Variants in UVRAG observed in about 807,000 individuals in gnomAD.
The protein encoded by UVRAG is UV radiation resistance associated.
A neutral mutation model predicts 78.0 loss-of-function variants in UVRAG; 19 were observed. The ratio of observed to expected loss-of-function variants is 0.24; its 90% CI spans 0.17 to 0.36. The LOEUF (loss-of-function observed/expected upper bound fraction) is 0.36, where lower values mean the gene tolerates loss of function less well. Ranked by LOEUF, UVRAG falls within the 10% of genes least tolerant of loss-of-function variation. UVRAG has a pLI of 1.00. For synonymous variants in UVRAG, 323 were observed against 324.6 expected (o/e 1.00, Z 0.05); for missense variants, 740 against 853.8 (o/e 0.87, Z 1.66).
At chr11:75,976,269 CA>C in intron 7 of UVRAG, among the ~76,000 whole-genome samples, 1 of 152,274 alleles carries the variant, frequency 6.6e-6, no homozygotes, top group Non-Finnish European at 1.5e-5. Context: ...TTCAGTTTGC[CA>C]GTGTTTTACT....
intron 6 of UVRAG, among the ~76,000 whole-genome samples, chr11:75,930,399 A>G (rs1389605403): frequency 6.6e-6 from 1 of 152,168 alleles, no homozygotes; most frequent in African/African-American, 2.4e-5. Context: ...TTCTTGAAAC[A>G]TTGGAGCTGA....
At chr11:75,885,314 T>A (rs899614969) in intron 4 of UVRAG, among the ~76,000 whole-genome samples, 2 of 152,114 alleles carry the variant, frequency 1.3e-5, no homozygotes, top group African/African-American at 4.8e-5. Context: ...ATTCTTGTGC[T>A]TAGTTTAAGT....
At chr11:76,015,217 A>G (rs1264812860) in intron 11 of UVRAG, among the ~76,000 whole-genome samples, 2 of 152,112 alleles carry the variant, frequency 1.3e-5, no homozygotes, top group Admixed American at 1.3e-4. Flanking sequence ...AAAAATTGTT[A>G]TATGCTGGGC....
Position 76,140,707 on chromosome 11 carries a change from C to G in UVRAG, c.1398-4C>G. ...GTAACTTCTTGTTTTTGTTTCTCTT[C>G]TAGTGACAGACATCACACCTCCAGT... On this transcript the variant is annotated splice_polypyrimidine_tract_variant and splice_region_variant and intron_variant, in intron 14 of 14. Transcript: ENST00000356136. The G allele has an allele frequency of 1.9e-6, 3 of 1,559,454 alleles. 1 individual carries two copies. The Middle Eastern group carries it at 5.2e-4, about 269-fold the overall frequency.
intron 12 of UVRAG, among the ~76,000 whole-genome samples, chr11:76,039,238 G>A (rs377664488): frequency 1.8e-4 from 27 of 152,276 alleles, no homozygotes; most frequent in African/African-American, 6.5e-4. Flanking sequence ...AATATATGTG[G>A]TACTTGGTAA....
At chr11:75,862,830 A>G (rs1257824050) in intron 3 of UVRAG, among the ~76,000 whole-genome samples, 3 of 152,344 alleles carry the variant, frequency 2.0e-5, no homozygotes, top group Admixed American at 6.5e-5. Flanking sequence ...CATAAGTTCC[A>G]TGAAAGCACG....
intron 8 of UVRAG, among the ~76,000 whole-genome samples, chr11:75,985,456 C>CT (rs1949481075): frequency 6.6e-6 from 1 of 151,716 alleles, no homozygotes; most frequent in African/African-American, 2.4e-5. Context: ...GATATGGGTT[C>CT]TTTTTTTGGC....
At chr11:75,909,567 T>C (rs73491799) in intron 5 of UVRAG, among the ~76,000 whole-genome samples, 5,680 of 152,288 alleles carry the variant, frequency 0.037, 344 homozygotes, top group African/African-American at 0.13. Context: ...GTTTTAATGC[T>C]GTAAAAAGCT....
Position 75,845,711 on chromosome 11 carries a change from G to A in UVRAG, c.118-6172G>A, listed in dbSNP as rs372711588. Reference sequence around the variant, plus strand: ...TACTGGGGCCTATTTGAGGGGTGGAGCATGGGAAGAGGGTGAGGATTTAAA... The same window carrying A: ...TACTGGGGCCTATTTGAGGGGTGGAACATGGGAAGAGGGTGAGGATTTAAA... On this transcript the variant is annotated intron_variant, in intron 1 of 14. Transcript: ENST00000356136. Among the ~76,000 whole-genome samples, 19 of 152,290 alleles carry A rather than the reference G, an allele frequency of 1.2e-4. No individual in the cohort carries two copies. In the South Asian group the frequency reaches 2.1e-3, roughly 17 times the overall value.
At chr11:76,089,335 G>C (rs987825377) in intron 13 of UVRAG, among the ~76,000 whole-genome samples, 2 of 152,266 alleles carry the variant, frequency 1.3e-5, no homozygotes, top group African/African-American at 4.8e-5. Context: ...TATTTTCAAA[G>C]TGTTATAGTG....
At chr11:76,123,278 G>C (rs1429414843) in intron 14 of UVRAG, among the ~76,000 whole-genome samples, 1 of 152,134 alleles carries the variant, frequency 6.6e-6, no homozygotes, top group Non-Finnish European at 1.5e-5. Flanking sequence ...AAACATTCCT[G>C]GTTGTTTATT....
intron 8 of UVRAG, among the ~76,000 whole-genome samples, chr11:75,994,315 A>T (rs893166123): frequency 6.6e-6 from 1 of 152,200 alleles, no homozygotes; most frequent in Non-Finnish European, 1.5e-5. Flanking sequence ...TCCTTAAAGC[A>T]TCTCTGAAAG....
chr11:76,058,611 T>C (rs970135876), intron 12 of UVRAG, among the ~76,000 whole-genome samples: 6 of 151,834 alleles, frequency 4.0e-5, no homozygotes, highest in East Asian at 3.9e-4. Context: ...AAATGTGATA[T>C]AGCTGTCAAA....
intron 2 of UVRAG, among the ~76,000 whole-genome samples, chr11:75,855,125 A>G (rs1946259459): frequency 1.3e-5 from 2 of 152,216 alleles, no homozygotes; most frequent in African/African-American, 4.8e-5. Context: ...ATGTTAAAAA[A>G]CTTGTCTAGA....
intron 14 of UVRAG, among the ~76,000 whole-genome samples, chr11:76,138,414 G>A (rs570969497): frequency 1.3e-4 from 20 of 152,318 alleles, no homozygotes; most frequent in African/African-American, 3.9e-4. Flanking sequence ...GAAAATGGTC[G>A]TTCCCTTCAC....
At chr11:76,132,849 A>T (rs1952536278) in intron 14 of UVRAG, among the ~76,000 whole-genome samples, 1 of 152,212 alleles carries the variant, frequency 6.6e-6, no homozygotes, top group Non-Finnish European at 1.5e-5. Context: ...CCTCAAGTAG[A>T]AGTAGAGATC....
chr11:76,101,214 A>G (rs951783398), intron 13 of UVRAG, among the ~76,000 whole-genome samples: 35 of 152,214 alleles, frequency 2.3e-4, no homozygotes, highest in African/African-American at 7.7e-4. Flanking sequence ...ACTCCTGCCA[A>G]CAGTGTATAA....
intron 6 of UVRAG, 47 bp downstream of exon 6, chr11:75,912,086 T>A: frequency 7.3e-7 from 1 of 1,378,730 alleles, no homozygotes; most frequent in Non-Finnish European, 1.0e-6. Flanking sequence ...ATCTTTCTCA[T>A]TTTGAGTTTG....
intron 1 of UVRAG, among the ~76,000 whole-genome samples, chr11:75,851,174 C>T (rs913352699): frequency 6.6e-6 from 1 of 152,176 alleles, no homozygotes; most frequent in Non-Finnish European, 1.5e-5. Context: ...ATTTGGCTAT[C>T]CCTTAAGCTT....
Sources: allele counts gnomAD v4.1 joint callset (sites outside exome capture counted in the v4.1 genomes callset), GRCh38; gene constraint gnomAD v4.1.1; transcripts MANE v1.5; gene names NCBI Gene and HGNC (gene_info 2026-07-23, HGNC 2026-07-21).